Variants in PACRG observed in about 807,000 individuals in gnomAD.
PACRG encodes the protein parkin coregulated gene protein.
Under a neutral mutation model 29.7 loss-of-function variants are expected in PACRG, and 29 were observed. The observed-to-expected ratio is 0.98, with a 90% CI of 0.73 to 1.33. The LOEUF (loss-of-function observed/expected upper bound fraction) is 1.33, where lower values mean the gene tolerates loss of function less well. Ranked by LOEUF, PACRG falls within the 40% of genes most tolerant of loss-of-function variation. PACRG has a pLI of 0.00. For synonymous variants in PACRG, 116 were observed against 118.7 expected, an observed-to-expected ratio of 0.98 and a Z score of 0.15; for missense variants, 279 against 316.2, an observed-to-expected ratio of 0.88 and a Z score of 0.89.
At chr6:163,263,230 C>T (rs993542153) in intron 4 of PACRG, among the ~76,000 whole-genome samples, 3 of 151,520 alleles carry the variant, frequency 2.0e-5, no homozygotes, top group South Asian at 2.1e-4. Flanking sequence ...CCCTTCCCTT[C>T]CCATCCCGAG....
intron 2 of PACRG, among the ~76,000 whole-genome samples, chr6:163,007,280 A>G (rs1423988829): frequency 1.3e-5 from 2 of 152,076 alleles, no homozygotes; most frequent in African/African-American, 2.4e-5. Flanking sequence ...TATTACTTTT[A>G]CTTTTAACAA....
chr6:163,165,819 G>C (rs1160493747), intron 4 of PACRG: 1 of 274,860 alleles, frequency 3.6e-6, no homozygotes, highest in African/African-American at 2.3e-5. Flanking sequence ...CGGCCCAGGC[G>C]AGGGGACCAG....
intron 2 of PACRG, among the ~76,000 whole-genome samples, chr6:162,911,848 G>A (rs1796325180): frequency 6.6e-6 from 1 of 152,134 alleles, no homozygotes. Flanking sequence ...ATGATAGGAG[G>A]GAAAGATTCC....
intron 2 of PACRG, among the ~76,000 whole-genome samples, chr6:162,865,538 A>T (rs889930792): frequency 1.2e-4 from 18 of 152,210 alleles, no homozygotes; most frequent in African/African-American, 4.3e-4. Flanking sequence ...TAAAAAGCTT[A>T]GACTGTAGCT....
chr6:162,849,393 A>G (rs1462094414), intron 2 of PACRG, among the ~76,000 whole-genome samples: 1 of 152,190 alleles, frequency 6.6e-6, no homozygotes, highest in African/African-American at 2.4e-5. Flanking sequence ...TGTTTGCTCC[A>G]CTGATGTGAA....
chr6:163,023,216 C>A (rs913472935), intron 2 of PACRG, among the ~76,000 whole-genome samples: 1 of 152,102 alleles, frequency 6.6e-6, no homozygotes, highest in Non-Finnish European at 1.5e-5. Flanking sequence ...AGTTTTTTAA[C>A]CCACCCCCCT....
intron 2 of PACRG, among the ~76,000 whole-genome samples, chr6:163,022,322 G>T (rs917536817): frequency 1.3e-5 from 2 of 152,236 alleles, no homozygotes; most frequent in Admixed American, 1.3e-4. Flanking sequence ...AATAATTGCC[G>T]TGTAGGAAGA....
intron 4 of PACRG, among the ~76,000 whole-genome samples, chr6:163,159,050 G>A (rs1450859355): frequency 6.6e-6 from 1 of 152,130 alleles, no homozygotes; most frequent in Non-Finnish European, 1.5e-5. Flanking sequence ...TTTGGAGTGA[G>A]AGAGCTGGTT....
At chr6:163,277,331 AT>A (rs753350159) in intron 4 of PACRG, among the ~76,000 whole-genome samples, 36 of 152,036 alleles carry the variant, frequency 2.4e-4, no homozygotes, top group Non-Finnish European at 4.4e-4. Context: ...TTTAGCTCCC[AT>A]GTATGAGTGA....
At chr6:162,852,012 G>GAAGGA (rs1790938106) in intron 2 of PACRG, among the ~76,000 whole-genome samples, 1 of 131,396 alleles carries the variant, frequency 7.6e-6, no homozygotes, top group African/African-American at 2.6e-5. Flanking sequence ...AGGGAGGAAG[G>GAAGGA]AAGGAAGGAA....
chr6:162,996,374 G>A (rs1804049571), intron 2 of PACRG, among the ~76,000 whole-genome samples: 2 of 152,070 alleles, frequency 1.3e-5, no homozygotes, highest in Non-Finnish European at 2.9e-5. Context: ...CCATAATGGA[G>A]GTGATAAAAG....
intron 4 of PACRG, among the ~76,000 whole-genome samples, chr6:163,232,967 C>G (rs887631515): frequency 2.0e-5 from 3 of 152,232 alleles, no homozygotes; most frequent in African/African-American, 7.2e-5. Context: ...ACACCAGGGC[C>G]GCATCCCTCT....
chr6:163,289,952 A>G (rs1467228964), intron 4 of PACRG, among the ~76,000 whole-genome samples: 1 of 151,788 alleles, frequency 6.6e-6, no homozygotes, highest in Non-Finnish European at 1.5e-5. Flanking sequence ...GGTTCAAGTG[A>G]TTCTCCTGCC....
chr6:162,968,766 A>G (rs7450464), intron 2 of PACRG, among the ~76,000 whole-genome samples: 104,694 of 151,692 alleles, frequency 0.69, 36,384 homozygotes, highest in East Asian at 0.79. Context: ...GTAAATTGAT[A>G]GGCTGGGCGC....
chr6:162,891,061 C>T (rs550326403), intron 2 of PACRG, among the ~76,000 whole-genome samples: 3 of 152,160 alleles, frequency 2.0e-5, no homozygotes, highest in East Asian at 1.9e-4. Flanking sequence ...ATACGTGGTC[C>T]GATACTTGTA....
chr6:162,821,534 T>C (rs12524733), intron 2 of PACRG, among the ~76,000 whole-genome samples: 10,357 of 152,158 alleles, frequency 0.068, 470 homozygotes, highest in East Asian at 0.28. Flanking sequence ...GAAAAGTAGG[T>C]CTTGGTAGTG....
At chr6:162,960,273 A>G (rs1168923434) in intron 2 of PACRG, among the ~76,000 whole-genome samples, 1 of 152,240 alleles carries the variant, frequency 6.6e-6, no homozygotes, top group African/African-American at 2.4e-5. Flanking sequence ...CCGAAAGGAA[A>G]ATAGATTATT....
At chr6:162,941,924 C>T (rs561708573) in intron 2 of PACRG, among the ~76,000 whole-genome samples, 1 of 152,170 alleles carries the variant, frequency 6.6e-6, no homozygotes, top group Admixed American at 6.5e-5. Context: ...CTCTACCCAG[C>T]TGTAAAAATT....
chr6:163,148,293 T>A (rs1356014766), intron 4 of PACRG, among the ~76,000 whole-genome samples: 1 of 152,244 alleles, frequency 6.6e-6, no homozygotes, highest in Non-Finnish European at 1.5e-5. Context: ...CAGTGTCTGG[T>A]ATGTATTATG....
Sources: gnomAD v4.1 joint callset for allele counts (sites outside exome capture counted in the v4.1 genomes callset) on GRCh38, gnomAD v4.1.1 for gene constraint, MANE v1.5 for transcripts, NCBI Gene and HGNC (gene_info 2026-07-23, HGNC 2026-07-21) for gene names.